Variants in RHBDD2 observed in about 807,000 individuals in gnomAD.
RHBDD2 encodes the protein rhomboid domain-containing protein 2.
A neutral mutation model predicts 21.7 loss-of-function variants in RHBDD2; 13 were observed. That is an observed-to-expected ratio of 0.60 (90% CI 0.39 to 0.95). The LOEUF (loss-of-function observed/expected upper bound fraction) is 0.95, where lower values mean the gene tolerates loss of function less well. Ranked by LOEUF, RHBDD2 falls within the 40% of genes least tolerant of loss-of-function variation. The pLI, the probability that RHBDD2 is intolerant of heterozygous loss-of-function variation, is 0.00. For missense variants in RHBDD2, 473 were observed against 478.9 expected (o/e 0.99, Z 0.11); for synonymous variants, 225 against 220.0 (o/e 1.02, Z -0.20).
In RHBDD2 at chr7:75,888,178, C is replaced by G; in HGVS notation, c.924C>G (p.Asn308Lys). Reference protein sequence around the residue: ...QPASGLCYVQNHFGPNPTSSS... With the variant: ...QPASGLCYVQKHFGPNPTSSS... ...CCTCCGGCCTGTGCTATGTGCAGAACCACTTTGGTCCAAACCCCACCTCCT... is the reference window on the plus strand; with the variant it reads ...CCTCCGGCCTGTGCTATGTGCAGAAGCACTTTGGTCCAAACCCCACCTCCT... The change falls in exon 4 of 4, where the codon AAC becomes AAG. Residue 308 changes from asparagine (N) to lysine (K), a missense_variant. Transcript: ENST00000006777. 2 of 1,613,920 alleles carry G rather than the reference C, an allele frequency of 1.2e-6. No individual in the cohort carries two copies. The highest frequency in any genetic ancestry group is 1.7e-6 in the Non-Finnish European group (2 of 1,180,026).
At chr7:75,885,737 C>A (rs1008341780) in intron 3 of RHBDD2, among the ~76,000 whole-genome samples, 4 of 152,096 alleles carry the variant, frequency 2.6e-5, no homozygotes, top group African/African-American at 7.2e-5. Context: ...CTTAAACACC[C>A]AGCTCTTACC....
chr7:75,887,977 CTT>C lies in RHBDD2; in HGVS notation c.738-14_738-13del, dbSNP rs782306094. Reference sequence around the variant, plus strand: ...GACTCGCTGAAGGACCATTTTCTCTCTTGTTCCATTCCAGACTGAACCCGGTG... The same window carrying C: ...GACTCGCTGAAGGACCATTTTCTCTCGTTCCATTCCAGACTGAACCCGGTG... On this transcript the variant is annotated splice_polypyrimidine_tract_variant and intron_variant, in intron 3 of 3. Transcript: ENST00000006777. The C allele has an allele frequency of 1.6e-5, 25 of 1,604,090 alleles. No homozygotes were observed. The highest frequency in any genetic ancestry group is 2.0e-5 in the Non-Finnish European group (24 of 1,173,034).
At position 75,888,202 on chromosome 7, in the gene RHBDD2, C is replaced by T; in HGVS notation, c.948C>T (p.Ser316=). The T allele has an allele frequency of 6.8e-6, 11 of 1,613,978 alleles. No homozygotes were observed. The highest frequency in any genetic ancestry group is 9.3e-6 in the Non-Finnish European group (11 of 1,180,048). ...ACCACTTTGGTCCAAACCCCACCTC[C>T]TCCAGTGTCTACCCAGCTTCTGCGG... is the stretch of plus-strand genomic sequence containing the variant. ...VQNHFGPNPT[S]SSVYPASAGT... The change falls in exon 4 of 4, where the codon TCC becomes TCT. Residue 316 remains serine, a synonymous_variant. Coordinates refer to ENST00000006777, the MANE Select transcript of RHBDD2 (RefSeq NM_001040456.3).
intron 3 of RHBDD2, among the ~76,000 whole-genome samples, chr7:75,886,826 A>G (rs538424720): frequency 6.6e-6 from 1 of 152,176 alleles, no homozygotes; most frequent in East Asian, 1.9e-4. Context: ...AAAAAAAAAA[A>G]AAGAGTTCTT....
intron 1 of RHBDD2, among the ~76,000 whole-genome samples, chr7:75,879,677 A>G (rs1186051298): frequency 6.6e-6 from 1 of 152,110 alleles, no homozygotes; most frequent in Non-Finnish European, 1.5e-5. Context: ...TCTCTCACCT[A>G]CATCACGACA....
At chr7:75,881,443 C>A (rs1554542463) in intron 1 of RHBDD2, 2 of 1,297,224 alleles carry the variant, frequency 1.5e-6, no homozygotes, top group Non-Finnish European at 2.0e-6. Flanking sequence ...CTCAATCCAC[C>A]CCGAAGCTGT....
At position 75,888,214 on chromosome 7, in the gene RHBDD2, C is replaced by T. The variant is rs782410064; in HGVS notation, c.960C>T (p.Tyr320=). The change falls in exon 4 of 4, where the codon TAC becomes TAT. Residue 320 remains tyrosine (Y), a synonymous_variant. Coordinates refer to ENST00000006777, the MANE Select transcript of RHBDD2 (RefSeq NM_001040456.3). ...FGPNPTSSSV[Y]PASAGTSLGI... ...CAAACCCCACCTCCTCCAGTGTCTA[C>T]CCAGCTTCTGCGGGCACCTCCCTGG... 8 of 1,613,670 alleles carry T rather than the reference C, an allele frequency of 5.0e-6. No homozygotes were observed. In the Admixed American group the frequency reaches 1.3e-4, roughly 27 times the overall value.
rs1478906965 is a variant in RHBDD2 at position 75,887,994 on chromosome 7, T to C, written c.740T>C (p.Leu247Pro). 3.7e-6 allele frequency: 6 copies of C among 1,611,050 alleles called. No individual in the cohort carries two copies. The East Asian group carries it at 1.3e-4, about 36-fold the overall frequency. The part of the protein sequence containing the change: ...AERRAAQSRK[L>P]NPVPGSYPTQ... ...TTTTCTCTCTTGTTCCATTCCAGACTGAACCCGGTGCCTGGCTCCTACCCC... is the reference window on the plus strand; with the variant it reads ...TTTTCTCTCTTGTTCCATTCCAGACCGAACCCGGTGCCTGGCTCCTACCCC... The change falls in exon 4 of 4, where the codon CTG becomes CCG. Residue 247 changes from leucine (L) to proline (P), a missense_variant and splice_region_variant. Coordinates refer to ENST00000006777, the MANE Select transcript of RHBDD2 (RefSeq NM_001040456.3).
intron 2 of RHBDD2, among the ~76,000 whole-genome samples, chr7:75,883,026 G>C (rs1189692228): frequency 1.3e-5 from 2 of 152,058 alleles, no homozygotes; most frequent in African/African-American, 2.4e-5. Context: ...AAAAGGACGA[G>C]GTGTTAGTCC....
Position 75,888,567 on chromosome 7 carries a change from CAGAT to C in RHBDD2, c.*220_*223del. 1 of 527,298 alleles carries C rather than the reference CAGAT, an allele frequency of 1.9e-6. No individual in the cohort carries two copies. Among genetic ancestry groups the C allele is most frequent in the Non-Finnish European group, 3.4e-6 (1 of 296,976 alleles). The allele number at this position is 527,298 out of a possible 1,614,324, so 32.7% of individuals were successfully genotyped here. On this transcript the variant is annotated 3_prime_UTR_variant, in exon 4 of 4. Transcript: ENST00000006777. Reference sequence around the variant, plus strand: ...TGCAGAAAGCGAGACGTTCTGCCATCAGATAAAGTCACGTGGCTCTTTAGTAACA... The same window carrying C: ...TGCAGAAAGCGAGACGTTCTGCCATCAAAGTCACGTGGCTCTTTAGTAACA...
At chr7:75,885,118 GA>G (rs113612856) in intron 3 of RHBDD2, among the ~76,000 whole-genome samples, 29,989 of 99,578 alleles carry the variant, frequency 0.3, 3,761 homozygotes, top group African/African-American at 0.43. Context: ...TGTCTCCCAA[GA>G]AAAAAAAAAA....
intron 3 of RHBDD2, among the ~76,000 whole-genome samples, chr7:75,884,978 G>C (rs1271430388): frequency 6.6e-6 from 1 of 151,982 alleles, no homozygotes; most frequent in Non-Finnish European, 1.5e-5. Context: ...TCCAAGCGTG[G>C]TGGTGGTTGC....
At chr7:75,881,194 AG>A (rs1805303418) in intron 1 of RHBDD2, among the ~76,000 whole-genome samples, 1 of 152,164 alleles carries the variant, frequency 6.6e-6, no homozygotes, top group African/African-American at 2.4e-5. Context: ...AAAAAGGAAA[AG>A]GAGGATTCTT....
intron 2 of RHBDD2, chr7:75,883,409 C>T (rs1389387406): frequency 4.8e-6 from 1 of 208,954 alleles, no homozygotes; most frequent in East Asian, 1.2e-4. Flanking sequence ...GTCCCAGCTA[C>T]TCTGGAGGCT....
chr7:75,884,226 C>A (rs1458938657), intron 3 of RHBDD2, among the ~76,000 whole-genome samples: 5 of 151,748 alleles, frequency 3.3e-5, no homozygotes, highest in African/African-American at 1.2e-4. Flanking sequence ...TTTTTTTATT[C>A]TTTTTTTTAT....
At chr7:75,884,871 T>G (rs543888806) in intron 3 of RHBDD2, among the ~76,000 whole-genome samples, 2 of 152,244 alleles carry the variant, frequency 1.3e-5, no homozygotes, top group East Asian at 3.9e-4. Flanking sequence ...CCCAGCACTT[T>G]GGGAGGCCAA....
At chr7:75,885,132 A>G (rs1267471113) in intron 3 of RHBDD2, among the ~76,000 whole-genome samples, 1 of 151,646 alleles carries the variant, frequency 6.6e-6, no homozygotes, top group Non-Finnish European at 1.5e-5. Flanking sequence ...AAAAAAAAAA[A>G]AAAGGTGCAG....
intron 3 of RHBDD2, 54 bp from the exon 4 acceptor site, chr7:75,887,938 C>A: frequency 6.7e-7 from 1 of 1,490,456 alleles, no homozygotes. Context: ...CACAAGATGC[C>A]ATGACCTTGC....
intron 3 of RHBDD2, 138 bp downstream of exon 3, chr7:75,883,986 A>G (rs528347920): frequency 3.4e-6 from 2 of 593,782 alleles, no homozygotes; most frequent in African/African-American, 1.9e-5. Flanking sequence ...CCTCTGCTTC[A>G]GGTTCAAGTG....
Sources: allele counts gnomAD v4.1 joint callset (sites outside exome capture counted in the v4.1 genomes callset), GRCh38; gene constraint gnomAD v4.1.1; transcripts MANE v1.5; gene names NCBI Gene and HGNC (gene_info 2026-07-23, HGNC 2026-07-21).